The following SAG variants were observed in gnomAD, a reference collection of about 807,000 sequenced individuals.
The protein encoded by SAG is S-antigen visual arrestin, also known as S-arrestin.
In SAG, 45 loss-of-function variants were observed where a neutral mutation model predicts 55.0. The ratio of observed to expected loss-of-function variants is 0.82; its 90% CI spans 0.64 to 1.05. The LOEUF (loss-of-function observed/expected upper bound fraction) is 1.05, where lower values mean the gene tolerates loss of function less well. Ranked by LOEUF, SAG falls within the 50% of genes least tolerant of loss-of-function variation. The pLI is 0.00. For missense variants in SAG, 455 were observed against 512.1 expected (o/e 0.89, Z 1.08); for synonymous variants, 189 against 197.4 (o/e 0.96, Z 0.36).
chr2:233,318,892 G>A (rs547369840), intron 4 of SAG, 97 bp downstream of exon 4: 14 of 1,006,980 alleles, frequency 1.4e-5, no homozygotes, highest in Non-Finnish European at 1.9e-5. Context: ...AGGAGAGACA[G>A]GAAGGCAGAG....
In SAG at chr2:233,335,029, C is replaced by G. The variant is rs397514681; in HGVS notation, c.874C>G (p.Arg292Gly). Residue 292 changes from arginine to glycine, a missense_variant, in exon 11 of 16, where the codon CGA becomes GGA. Transcript: ENST00000409110. ...GCTGCTGCCCTTGCTGGCTAACAAT[C>G]GAGAAAGGAGAGGCATTGCCCTGGA... ...LTLLPLLANN[R>G]ERRGIALDGK... 78 of 1,613,874 alleles carry G rather than the reference C, an allele frequency of 4.8e-5. No homozygotes were observed. Among genetic ancestry groups the G allele is most frequent in the Admixed American group, 1.3e-4 (8 of 60,008 alleles).
At chr2:233,332,005 T>A in intron 10 of SAG, 1 of 412,758 alleles carries the variant, frequency 2.4e-6, no homozygotes. Context: ...TGGCTTTTTC[T>A]ATTTATCCTT....
At chr2:233,318,715 C>T (rs772991668) in intron 3 of SAG, 36 bp from the exon 4 acceptor site, 1 of 1,597,526 alleles carries the variant, frequency 6.3e-7, no homozygotes, top group Non-Finnish European at 8.6e-7. Flanking sequence ...CTTTCATCTT[C>T]TCCACCCTCA....
At chr2:233,337,246 T>C (rs1700963374) in intron 11 of SAG, among the ~76,000 whole-genome samples, 1 of 79,646 alleles carries the variant, frequency 1.3e-5, no homozygotes, top group African/African-American at 6.5e-5. Context: ...AAATTATTTT[T>C]ATTTTTTTTT....
intron 8 of SAG, chr2:233,329,032 T>C (rs1700662549): frequency 4.2e-6 from 1 of 236,038 alleles, no homozygotes; most frequent in Non-Finnish European, 8.3e-6. Flanking sequence ...TCACCTGTGA[T>C]GTCATCTCTT....
At chr2:233,310,424 G>A (rs1700046507) in intron 2 of SAG, among the ~76,000 whole-genome samples, 1 of 151,644 alleles carries the variant, frequency 6.6e-6, no homozygotes, top group African/African-American at 2.4e-5. Context: ...ATGTCAATTT[G>A]GAATGGCCAT....
At chr2:233,313,842 A>G (rs557672700) in intron 2 of SAG, among the ~76,000 whole-genome samples, 61 of 147,430 alleles carry the variant, frequency 4.1e-4, no homozygotes, top group African/African-American at 1.4e-3. Flanking sequence ...TGTTGGGATT[A>G]CAGGCATGAG....
At chr2:233,321,637 A>G (rs1455034898) in intron 5 of SAG, among the ~76,000 whole-genome samples, 2 of 152,150 alleles carry the variant, frequency 1.3e-5, no homozygotes, top group Non-Finnish European at 2.9e-5. Context: ...TTTAATGGGA[A>G]CAGAGCTTCA....
intron 3 of SAG, among the ~76,000 whole-genome samples, chr2:233,316,897 T>C (rs1700228511): frequency 6.6e-6 from 1 of 152,200 alleles, no homozygotes; most frequent in Admixed American, 6.5e-5. Context: ...ATTGCAGTTT[T>C]TTGCCATTAC....
intron 14 of SAG, chr2:233,345,001 T>C (rs545552954): frequency 1.9e-4 from 29 of 152,326 alleles, no homozygotes; most frequent in African/African-American, 6.7e-4. Context: ...GCTCAGGGGA[T>C]GTTTTGACAA....
At chr2:233,318,676 G>T in intron 3 of SAG, 75 bp from the exon 4 acceptor site, 2 of 1,225,752 alleles carry the variant, frequency 1.6e-6, no homozygotes, top group Admixed American at 1.7e-5. Flanking sequence ...TTAAAAACAT[G>T]CGCAGTTTTT....
Position 233,319,470 on chromosome 2 carries a change from CACTG to C in SAG, c.181+679_181+682del. The C allele has an allele frequency of 1.9e-6, 1 of 519,588 alleles. No homozygotes were observed. The highest frequency in any genetic ancestry group is 2.5e-6 in the Non-Finnish European group (1 of 399,740). The allele number at this position is 519,588 out of a possible 1,614,324, so 32.2% of individuals were successfully genotyped here. A position where few individuals can be genotyped will look rare whatever the true frequency, so the allele number is the denominator to read the frequency against. ...ATTCCAGCTATCCTTGTGATAATGT[CACTG>C]ACTCAGTTCCATTCTAAATATGCCT... On this transcript the variant is annotated intron_variant, in intron 4 of 15. Transcript: ENST00000409110. The surrounding 1 kb of genome is among the most constrained non-coding windows in gnomAD (Gnocchi z 4.4).
chr2:233,323,822 T>C (rs1559440353), intron 6 of SAG, among the ~76,000 whole-genome samples: 1 of 152,086 alleles, frequency 6.6e-6, no homozygotes, highest in Non-Finnish European at 1.5e-5. Context: ...CCAACCCCCA[T>C]GAGTCTCACA....
At chr2:233,317,399 A>G (rs1224246732) in intron 3 of SAG, among the ~76,000 whole-genome samples, 1 of 152,224 alleles carries the variant, frequency 6.6e-6, no homozygotes, top group Non-Finnish European at 1.5e-5. Context: ...AACCATTGGG[A>G]GAAACTGGAT....
At chr2:233,310,726 C>G (rs562913708) in intron 2 of SAG, among the ~76,000 whole-genome samples, 91 of 152,132 alleles carry the variant, frequency 6.0e-4, no homozygotes, top group Non-Finnish European at 1.0e-3. Context: ...AAGCTGGTCT[C>G]GAACTCCTGA....
At position 233,309,246 on chromosome 2, in the gene SAG, G is replaced by T; in HGVS notation, c.57G>T (p.Lys19Asn). The T allele has an allele frequency of 6.2e-7, 1 of 1,613,710 alleles. No individual in the cohort carries two copies. The highest frequency in any genetic ancestry group is 1.1e-5 in the South Asian group (1 of 91,040). Residue 19 changes from lysine (K) to asparagine (N), a missense_variant, in exon 2 of 16, where the codon AAG becomes AAT. Lys to Asn is a moderately conservative substitution (Grantham distance 94). Transcript: ENST00000409110. ...AACCGAACCATGTTATCTTCAAGAA[G>T]ATCTCCCGGGACAAATCGGTGAGTG... is the stretch of plus-strand genomic sequence containing the variant. ...KSEPNHVIFK[K>N]ISRDKSVTIY... is the part of the protein sequence containing the mutation.
intron 2 of SAG, among the ~76,000 whole-genome samples, chr2:233,311,767 G>A (rs955289672): frequency 1.3e-5 from 2 of 152,118 alleles, no homozygotes; most frequent in East Asian, 1.9e-4. Context: ...CTTCTCAGGG[G>A]CCTCAGTCAT....
intron 4 of SAG, among the ~76,000 whole-genome samples, chr2:233,320,221 T>C (rs1256260273): frequency 6.6e-6 from 1 of 152,208 alleles, no homozygotes; most frequent in Non-Finnish European, 1.5e-5. Flanking sequence ...CCCAGCGCTG[T>C]TTCCCTCTGC....
At chr2:233,310,375 A>C (rs1004463527) in intron 2 of SAG, among the ~76,000 whole-genome samples, 18 of 152,316 alleles carry the variant, frequency 1.2e-4, no homozygotes, top group Non-Finnish European at 2.4e-4. Flanking sequence ...ATAATATAAG[A>C]ATTATTGAAA....
Sources: gnomAD v4.1 joint callset for allele counts (sites outside exome capture counted in the v4.1 genomes callset) on GRCh38, gnomAD v4.1.1 for gene constraint, Gnocchi (gnomAD v3.1) non-coding constraint, MANE v1.5 for transcripts, NCBI Gene and HGNC (gene_info 2026-07-23, HGNC 2026-07-21) for gene names.